SRP68: variants seen among roughly 807,000 people sequenced by gnomAD.
SRP68 encodes signal recognition particle subunit SRP68.
A neutral mutation model predicts 82.2 loss-of-function variants in SRP68; 15 were observed. The ratio of observed to expected loss-of-function variants is 0.18; its 90% CI spans 0.12 to 0.28. The LOEUF is 0.28. SRP68 is among the 10% of genes least tolerant of loss of function. The pLI is 1.00. For synonymous variants in SRP68, 261 were observed against 292.6 expected, an observed-to-expected ratio of 0.89 and a Z score of 1.10; for missense variants, 595 against 780.5, an observed-to-expected ratio of 0.76 and a Z score of 2.83.
At chr17:76,048,578 T>A (rs926562333) in intron 9 of SRP68, 1 of 152,188 alleles carries the variant, frequency 6.6e-6, no homozygotes, top group African/African-American at 2.4e-5. Context: ...CTGATCGCTT[T>A]GAAGCACAAA....
At chr17:76,044,074 T>C in intron 12 of SRP68, 116 bp from the exon 13 acceptor site, 1 of 1,195,196 alleles carries the variant, frequency 8.4e-7, no homozygotes, top group Non-Finnish European at 1.1e-6. Flanking sequence ...TAACGTGGGA[T>C]CACCGCATGG....
At position 76,047,988 on chromosome 17, in the gene SRP68, G is replaced by A. The variant is rs1235179273; in HGVS notation, c.1078-18C>T. 2.6e-6 allele frequency: 4 copies of A among 1,545,518 alleles called. No homozygotes were observed. Among genetic ancestry groups the A allele is most frequent in the South Asian group, 1.3e-5 (1 of 79,516 alleles). On this transcript the variant is annotated intron_variant, in intron 9 of 15. Coordinates refer to ENST00000307877, the MANE Select transcript of SRP68 (RefSeq NM_014230.4). Reference sequence around the variant, plus strand: ...CTCTGTTTCTGCAGAAAGTGAAAAAGGTAAAAAGTAAAGCAACTGATGCTC... The same window carrying A: ...CTCTGTTTCTGCAGAAAGTGAAAAAAGTAAAAAGTAAAGCAACTGATGCTC...
intron 4 of SRP68, among the ~76,000 whole-genome samples, chr17:76,062,103 G>C (rs560905428): frequency 6.6e-6 from 1 of 152,046 alleles, no homozygotes; most frequent in East Asian, 1.9e-4. Flanking sequence ...TGGCCAACAT[G>C]GTGAAAACCT....
At chr17:76,048,024 T>C in intron 9 of SRP68, 54 bp from the exon 10 acceptor site, 2 of 1,278,742 alleles carry the variant, frequency 1.6e-6, no homozygotes, top group Non-Finnish European at 2.2e-6. Flanking sequence ...TCCATCGCTC[T>C]GACCACCTCA....
intron 9 of SRP68, among the ~76,000 whole-genome samples, chr17:76,049,839 A>G (rs909486811): frequency 1.3e-5 from 2 of 152,182 alleles, no homozygotes; most frequent in African/African-American, 4.8e-5. Flanking sequence ...TCCCTAGAGG[A>G]AATCACTGGG....
rs369621874 is a variant in SRP68, at chr17:76,046,663, CA to C, written c.1143-470del. 4.1e-3 allele frequency among the ~76,000 whole-genome samples: 620 copies of C among 151,794 alleles called. 4 individuals are homozygous for C. Among genetic ancestry groups the C allele is most frequent in the Middle Eastern group, 0.014 (4 of 294 alleles). ...CAACAAAACAAAAAAAACGGGGGGC[CA>C]GGGGCAGTGGCTCCCATCTGTAATC... On this transcript the variant is annotated intron_variant, in intron 10 of 15. Coordinates refer to ENST00000307877, the MANE Select transcript of SRP68 (RefSeq NM_014230.4).
In SRP68 at chr17:76,050,502, G is replaced by T. The variant is rs752117551; in HGVS notation, c.1003C>A (p.Arg335Ser). 3 of 1,613,266 alleles carry T rather than the reference G, an allele frequency of 1.9e-6. No individual in the cohort carries two copies. Among genetic ancestry groups the T allele is most frequent in the Non-Finnish European group, 2.5e-6 (3 of 1,179,712 alleles). ...TCGCTGAGCATTGATTCAAACAGGC[G>T]CTCCTTAGTTTCTTCGCTTTCAGCC... Reference protein sequence around the residue: ...VQAESEETKERLFESMLSECR... With the variant: ...VQAESEETKESLFESMLSECR... The change falls in exon 9 of 16, where the codon CGC (arginine) becomes AGC (serine). Residue 335 changes from arginine to serine, a missense_variant. Transcript: ENST00000307877.
intron 3 of SRP68, among the ~76,000 whole-genome samples, 175 bp downstream of exon 3, chr17:76,067,042 G>A (rs1449237924): frequency 6.6e-6 from 1 of 152,026 alleles, no homozygotes; most frequent in Non-Finnish European, 1.5e-5. Context: ...CACAGTTCTT[G>A]AACAACCTAA....
At position 76,061,203 on chromosome 17, in the gene SRP68, G is replaced by A; in HGVS notation, c.661C>T (p.Leu221=). 6 of 1,611,956 alleles carry A rather than the reference G, an allele frequency of 3.7e-6. No homozygotes were observed. The highest frequency in any genetic ancestry group is 5.1e-6 in the Non-Finnish European group (6 of 1,178,244). ...TGCTCCTCTGTGAAAGCACTGGCTA[G>A]CTTCTCATAGATAGTTCTGCGAGAA... The part of the protein sequence containing the change: ...FNKCKTIYEK[L]ASAFTEEQAV... Residue 221 remains leucine (L), a synonymous_variant, in exon 6 of 16, where the codon CTA becomes TTA. Coordinates refer to ENST00000307877, the MANE Select transcript of SRP68 (RefSeq NM_014230.4).
At chr17:76,062,943 T>C (rs896645063) in intron 4 of SRP68, among the ~76,000 whole-genome samples, 8 of 148,860 alleles carry the variant, frequency 5.4e-5, no homozygotes, top group African/African-American at 2.0e-4. Flanking sequence ...GCTAATTTTT[T>C]GTATTTTTAG....
intron 8 of SRP68, among the ~76,000 whole-genome samples, chr17:76,052,748 G>A (rs149422191): frequency 0.012 from 1,740 of 150,072 alleles, 25 homozygotes; most frequent in African/African-American, 0.039. Context: ...AGGTTTCAGT[G>A]AGCCGAGATC....
intron 9 of SRP68, chr17:76,049,204 T>A (rs923544245): frequency 6.6e-6 from 1 of 152,128 alleles, no homozygotes; most frequent in African/African-American, 2.4e-5. Context: ...GGTTTTATGT[T>A]TAACGTTTTT....
rs2066841855 is a variant in SRP68 at position 76,070,383 on chromosome 17, C to T, written c.246G>A (p.Arg82=). 1 of 1,613,446 alleles carries T rather than the reference C, an allele frequency of 6.2e-7. No individual in the cohort carries two copies. The highest frequency in any genetic ancestry group is 8.5e-7 in the Non-Finnish European group (1 of 1,179,568). The change falls in exon 2 of 16, where the codon AGG becomes AGA. Residue 82 remains arginine (R), a synonymous_variant. Transcript: ENST00000307877. ...QHGLRHGDFQ[R]YRGYCSRRQR... is the part of the protein sequence containing the mutation. ...ATCTTGTATGTGATACTAACCTGTA[C>T]CTCTGAAAATCTCCATGCCGTAAAC... is the stretch of plus-strand genomic sequence containing the variant.
In SRP68 at chr17:76,060,363, A is replaced by C; in HGVS notation, c.782T>G (p.Met261Arg). The C allele has an allele frequency of 6.2e-7, 1 of 1,612,304 alleles. No homozygotes were observed. Among genetic ancestry groups the C allele is most frequent in the African/African-American group, 1.3e-5 (1 of 74,410 alleles). Reference protein sequence around the residue: ...IGDQSAINELMQMRLRSGGTE... With the variant: ...IGDQSAINELRQMRLRSGGTE... ...GCCCCCAGACCTCAATCTCATCTGC[A>C]TGAGTTCATTGATGGCTGACTGGTC... The change falls in exon 7 of 16, where the codon ATG (methionine) becomes AGG (arginine). Residue 261 changes from methionine (M) to arginine (R), a missense_variant. Physicochemically the swap from Met to Arg is moderately conservative, Grantham distance 91 (BLOSUM62 -1). Around this residue, in one of 2 missense-constraint regions of SRP68, gnomAD observed 495 missense variants for 688.6 expected, o/e 0.72. Transcript: ENST00000307877.
chr17:76,072,179 A>C lies in SRP68; in HGVS notation c.184+129T>G. On this transcript the variant is annotated intron_variant, in intron 1 of 15. Coordinates refer to ENST00000307877, the MANE Select transcript of SRP68 (RefSeq NM_014230.4). The surrounding 1 kb of genome is among the most constrained non-coding windows in gnomAD (Gnocchi z 4.5). Reference sequence around the variant, plus strand: ...CCCGGAATTCTGAGCACCAAAAGGTAAGGGCGAGAGAAACTGCAACCCTCG... The same window carrying C: ...CCCGGAATTCTGAGCACCAAAAGGTCAGGGCGAGAGAAACTGCAACCCTCG... 2 of 1,508,220 alleles carry C rather than the reference A, an allele frequency of 1.3e-6. No homozygotes were observed. The highest frequency in any genetic ancestry group is 1.8e-6 in the Non-Finnish European group (2 of 1,125,218). 93.4% of individuals were successfully genotyped at this position (1,508,220 alleles called of 1,614,324 possible).
intron 15 of SRP68, 113 bp from the exon 16 acceptor site, chr17:76,040,046 T>C: frequency 1.9e-6 from 2 of 1,035,970 alleles, no homozygotes; most frequent in South Asian, 1.5e-5. Context: ...TCTCACTCAA[T>C]CACTCAATCC....
At chr17:76,045,131 G>A in intron 12 of SRP68, 161 bp downstream of exon 12, 1 of 606,408 alleles carries the variant, frequency 1.6e-6, no homozygotes, top group South Asian at 2.0e-5. Flanking sequence ...ACAGCCTTTA[G>A]AAACTCCCCT....
chr17:76,062,185 G>A (rs967153888), intron 4 of SRP68, among the ~76,000 whole-genome samples: 12 of 151,774 alleles, frequency 7.9e-5, no homozygotes, highest in Non-Finnish European at 1.6e-4. Context: ...TACTCGGGAG[G>A]CTGAGGCAGG....
intron 12 of SRP68, 31 bp downstream of exon 12, chr17:76,045,261 G>T: frequency 6.4e-7 from 1 of 1,565,922 alleles, no homozygotes; most frequent in Non-Finnish European, 8.8e-7. Context: ...CTGGGAGGCG[G>T]AGGAAAACTG....
Sources: allele counts gnomAD v4.1 joint callset (sites outside exome capture counted in the v4.1 genomes callset), GRCh38; gene constraint gnomAD v4.1.1; regional missense constraint gnomAD v4.1.1; non-coding constraint Gnocchi (gnomAD v3.1); transcripts MANE v1.5; gene names NCBI Gene and HGNC (gene_info 2026-07-23, HGNC 2026-07-21).